RAB10: variants seen among roughly 807,000 people sequenced by gnomAD.
RAB10 encodes RAB10, member RAS oncogene family.
A neutral mutation model predicts 25.7 loss-of-function variants in RAB10; 5 were observed. The ratio of observed to expected loss-of-function variants is 0.19; its 90% CI spans 0.10 to 0.41. The LOEUF (loss-of-function observed/expected upper bound fraction) is 0.41, where lower values mean the gene tolerates loss of function less well. Among genes scored for constraint, RAB10 ranks in the 10% least tolerant of loss-of-function variants. RAB10 has a pLI of 1.00. For missense variants in RAB10, 103 were observed against 245.8 expected, an observed-to-expected ratio of 0.42 and a Z score of 3.89; for synonymous variants, 89 against 86.4, an observed-to-expected ratio of 1.03 and a Z score of -0.16.
intron 1 of RAB10, among the ~76,000 whole-genome samples, chr2:26,079,333 A>G (rs1399578091): frequency 1.3e-5 from 2 of 151,504 alleles, no homozygotes; most frequent in African/African-American, 2.4e-5. Context: ...AAACACACAC[A>G]CACACACACA....
At chr2:26,046,338 AAAAG>A (rs1053675282) in intron 1 of RAB10, among the ~76,000 whole-genome samples, 2 of 152,104 alleles carry the variant, frequency 1.3e-5, no homozygotes, top group African/African-American at 4.8e-5. Context: ...AGAAAAAAAA[AAAAG>A]AAAAGGAATT....
rs921412261 is a variant in RAB10, at chr2:26,110,563, T to C, written c.327+657T>C. On this transcript the variant is annotated intron_variant, in intron 3 of 5. Transcript: ENST00000264710. ...TTTATTGAATGAATGAAATGTCCGG[T>C]AGTAATTTTTTAAAACTTTATTTTT... is the stretch of plus-strand genomic sequence containing the variant. 2.0e-5 allele frequency among the ~76,000 whole-genome samples: 3 copies of C among 152,272 alleles called. No individual in the cohort carries two copies. The South Asian group carries it at 6.2e-4, about 32-fold the overall frequency.
chr2:26,079,417 CTCG>C (rs1666817238), intron 1 of RAB10, among the ~76,000 whole-genome samples: 1 of 151,716 alleles, frequency 6.6e-6, no homozygotes. Context: ...AGCTGGGTTT[CTCG>C]TTGTTGAAGA....
At chr2:26,119,981 T>G (rs1039492473) in intron 3 of RAB10, among the ~76,000 whole-genome samples, 17 of 152,196 alleles carry the variant, frequency 1.1e-4, no homozygotes, top group African/African-American at 3.4e-4. Context: ...TTGCTAAAGC[T>G]TTTTTAAAAA....
At position 26,098,431 on chromosome 2, in the gene RAB10, G is replaced by C. The variant is rs576927220; in HGVS notation, c.128-231G>C. 2.5e-4 allele frequency: 115 copies of C among 453,512 alleles called. 2 individuals are homozygous for C. The highest frequency in any genetic ancestry group is 2.5e-3 in the South Asian group (103 of 41,322). The allele number at this position is 453,512 out of a possible 1,614,324, so 28.1% of individuals were successfully genotyped here. ...TGGGATTAGAGGCGTGAGCCACCATGCCCAGCCCAAAACTTGGTCTTTTCT... is the reference window on the plus strand; with the variant it reads ...TGGGATTAGAGGCGTGAGCCACCATCCCCAGCCCAAAACTTGGTCTTTTCT... On this transcript the variant is annotated intron_variant, in intron 1 of 5. Transcript: ENST00000264710.
At chr2:26,130,850 A>G (rs968201700) in intron 5 of RAB10, among the ~76,000 whole-genome samples, 48 of 152,188 alleles carry the variant, frequency 3.2e-4, no homozygotes, top group Non-Finnish European at 1.2e-4. Context: ...GGTCAGGATG[A>G]AACATTATCC....
At chr2:26,099,266 G>C (rs1028175988) in intron 2 of RAB10, among the ~76,000 whole-genome samples, 1 of 152,130 alleles carries the variant, frequency 6.6e-6, no homozygotes, top group African/African-American at 2.4e-5. Flanking sequence ...TGTGAAATCT[G>C]TTACTCCTTT....
rs896999125 is a variant in RAB10 at position 26,125,429 on chromosome 2, G to A, written c.328-1715G>A. On this transcript the variant is annotated intron_variant, in intron 3 of 5. Coordinates refer to ENST00000264710, the MANE Select transcript of RAB10 (RefSeq NM_016131.5). ...GAAGAAATGTCTATTCAAATCCTTT[G>A]CTTGCTTTTTTTTTTTTTTTTTTTT... 1.1e-4 allele frequency among the ~76,000 whole-genome samples: 15 copies of A among 140,634 alleles called. No homozygotes were observed. The South Asian group carries it at 1.6e-3, about 15-fold the overall frequency. 92.3% of individuals were successfully genotyped at this position (140,634 alleles called of 152,430 possible). A position where few individuals can be genotyped will look rare whatever the true frequency, so the allele number is the denominator to read the frequency against.
intron 1 of RAB10, among the ~76,000 whole-genome samples, chr2:26,059,029 C>G (rs1044486270): frequency 6.6e-6 from 1 of 152,156 alleles, no homozygotes; most frequent in Non-Finnish European, 1.5e-5. Flanking sequence ...ATTTGAAAGA[C>G]AAAAATGATT....
At chr2:26,088,737 GTC>G (rs1667040812) in intron 1 of RAB10, among the ~76,000 whole-genome samples, 1 of 152,054 alleles carries the variant, frequency 6.6e-6, no homozygotes, top group Non-Finnish European at 1.5e-5. Flanking sequence ...TGATTATCCT[GTC>G]TCAGCCTCCT....
intron 1 of RAB10, among the ~76,000 whole-genome samples, chr2:26,047,783 G>A (rs1482691365): frequency 7.5e-6 from 1 of 133,396 alleles, no homozygotes; most frequent in African/African-American, 2.9e-5. Context: ...GAGTGCAGTC[G>A]CACAATCTTG....
chr2:26,099,922 C>T (rs1201059485), intron 2 of RAB10, among the ~76,000 whole-genome samples: 1 of 152,090 alleles, frequency 6.6e-6, no homozygotes, highest in Admixed American at 6.6e-5. Context: ...TGTATCTACC[C>T]CGCAGAATGA....
At chr2:26,084,352 C>T (rs992113573) in intron 1 of RAB10, among the ~76,000 whole-genome samples, 12 of 152,228 alleles carry the variant, frequency 7.9e-5, no homozygotes, top group African/African-American at 2.6e-4. Context: ...TATTCATTGC[C>T]AAGTGTGTAG....
chr2:26,071,756 A>G (rs1666631188), intron 1 of RAB10, among the ~76,000 whole-genome samples: 1 of 151,624 alleles, frequency 6.6e-6, no homozygotes, highest in South Asian at 2.1e-4. Flanking sequence ...AATTCCAGCT[A>G]CCCAAGAGGC....
intron 3 of RAB10, among the ~76,000 whole-genome samples, chr2:26,119,719 G>C (rs1481127245): frequency 6.6e-6 from 1 of 152,124 alleles, no homozygotes; most frequent in Non-Finnish European, 1.5e-5. Context: ...GGGTCTTACT[G>C]TGTTGCCCTG....
chr2:26,057,932 A>G (rs1378775951), intron 1 of RAB10, among the ~76,000 whole-genome samples: 1 of 152,154 alleles, frequency 6.6e-6, no homozygotes, highest in African/African-American at 2.4e-5. Flanking sequence ...CCTAAAGGCT[A>G]GTTTTAAAGT....
At chr2:26,055,262 C>T (rs1346661435) in intron 1 of RAB10, among the ~76,000 whole-genome samples, 2 of 152,138 alleles carry the variant, frequency 1.3e-5, no homozygotes, top group East Asian at 1.9e-4. Context: ...ATATGATTCT[C>T]AGTATCTTTG....
intron 1 of RAB10, among the ~76,000 whole-genome samples, chr2:26,097,305 ACT>A (rs929796084): frequency 6.6e-5 from 10 of 152,078 alleles, no homozygotes; most frequent in Middle Eastern, 3.4e-3. Flanking sequence ...ACGGAGTCTC[ACT>A]CTGTCGCCCA....
intron 1 of RAB10, among the ~76,000 whole-genome samples, chr2:26,085,908 A>AGAAT (rs1256886315): frequency 6.9e-6 from 1 of 145,542 alleles, no homozygotes; most frequent in Non-Finnish European, 1.5e-5. Flanking sequence ...CTGAGATAGG[A>AGAAT]GAATCACTTG....
Sources: gnomAD v4.1 joint callset for allele counts (sites outside exome capture counted in the v4.1 genomes callset) on GRCh38, gnomAD v4.1.1 for gene constraint, MANE v1.5 for transcripts, NCBI Gene and HGNC (gene_info 2026-07-23, HGNC 2026-07-21) for gene names.